The following MYBL1 variants were observed in gnomAD, a reference collection of about 807,000 sequenced individuals.
MYBL1 encodes the protein MYB proto-oncogene like 1.
Under a neutral mutation model 96.3 loss-of-function variants are expected in MYBL1, and 17 were observed. That is an observed-to-expected ratio of 0.18 (90% CI 0.12 to 0.26). The LOEUF is 0.26. MYBL1 is among the 10% of genes least tolerant of loss of function. MYBL1 has a pLI of 1.00. For synonymous variants in MYBL1, 282 were observed against 292.7 expected (o/e 0.96, Z 0.37); for missense variants, 701 against 882.9 (o/e 0.79, Z 2.61).
intron 12 of MYBL1, among the ~76,000 whole-genome samples, chr8:66,571,097 T>C (rs949260763): frequency 3.3e-5 from 5 of 152,138 alleles, no homozygotes; most frequent in Non-Finnish European, 5.9e-5. Flanking sequence ...TGACTAAAAA[T>C]AGAAGAACAT....
At chr8:66,595,128 G>C (rs1471330441) in intron 6 of MYBL1, among the ~76,000 whole-genome samples, 1 of 152,118 alleles carries the variant, frequency 6.6e-6, no homozygotes, top group African/African-American at 2.4e-5. Context: ...TTAGTTATTA[G>C]GGGGAAAAGC....
chr8:66,600,110 A>G (rs1810010212), intron 3 of MYBL1, among the ~76,000 whole-genome samples: 2 of 152,244 alleles, frequency 1.3e-5, no homozygotes, highest in Non-Finnish European at 2.9e-5. Context: ...AATCCTACGC[A>G]GTATCTGGGT....
chr8:66,580,387 T>A (rs1809158695), intron 8 of MYBL1, 21 bp from the exon 9 acceptor site: 2 of 1,489,426 alleles, frequency 1.3e-6, no homozygotes, highest in Non-Finnish European at 1.9e-6. Flanking sequence ...AAAAGAAATT[T>A]GAATATTATT....
In MYBL1 at chr8:66,562,309, T is replaced by C. The variant is rs1808365783; in HGVS notation, c.*2388A>G. 6.6e-6 allele frequency: 1 copy of C among 152,652 alleles called. No homozygotes were observed. The highest frequency in any genetic ancestry group is 1.5e-5 in the Non-Finnish European group (1 of 68,050). 9.5% of individuals were successfully genotyped at this position (152,652 alleles called of 1,614,324 possible). A position where few individuals can be genotyped will look rare whatever the true frequency, so the allele number is the denominator to read the frequency against. ...TAATTGCTGTATTAATGTGAAAACC[T>C]TACAATAAAATGCAGTATTATGTAT... On this transcript the variant is annotated 3_prime_UTR_variant, in exon 16 of 16. Coordinates refer to ENST00000522677, the MANE Select transcript of MYBL1 (RefSeq NM_001080416.4).
At chr8:66,604,183 T>A (rs554773721) in intron 1 of MYBL1, among the ~76,000 whole-genome samples, 1 of 152,172 alleles carries the variant, frequency 6.6e-6, no homozygotes, top group South Asian at 2.1e-4. Context: ...ATCAGTGGAG[T>A]AAAGGTAGAC....
intron 12 of MYBL1, among the ~76,000 whole-genome samples, chr8:66,568,083 A>C (rs1342974031): frequency 6.6e-6 from 1 of 151,810 alleles, no homozygotes; most frequent in Non-Finnish European, 1.5e-5. Flanking sequence ...AAAACAAAAA[A>C]CAAAAAAACA....
chr8:66,579,155 C>A (rs1809094580), intron 9 of MYBL1, among the ~76,000 whole-genome samples: 1 of 151,716 alleles, frequency 6.6e-6, no homozygotes, highest in South Asian at 2.1e-4. Context: ...GGGTGCAGCA[C>A]ACCAGCATGG....
intron 12 of MYBL1, among the ~76,000 whole-genome samples, chr8:66,569,734 G>T (rs1435836195): frequency 1.3e-5 from 2 of 152,104 alleles, no homozygotes; most frequent in Admixed American, 6.6e-5. Flanking sequence ...CTAGAATAGG[G>T]CTAAGACAGA....
intron 8 of MYBL1, among the ~76,000 whole-genome samples, chr8:66,585,882 G>C (rs924836340): frequency 6.6e-6 from 1 of 152,084 alleles, no homozygotes; most frequent in African/African-American, 2.4e-5. Flanking sequence ...CTTCTGCACA[G>C]CAAAGGAGGC....
chr8:66,579,265 A>ATT (rs1809103307), intron 9 of MYBL1, among the ~76,000 whole-genome samples: 4 of 130,668 alleles, frequency 3.1e-5, no homozygotes, highest in African/African-American at 1.4e-4. Flanking sequence ...TTTTTTTTAA[A>ATT]AAAATGAAAA....
rs1473519612 is a variant in MYBL1 at position 66,564,747 on chromosome 8, G to A, written c.2209C>T (p.Leu737=). 1 of 1,585,864 alleles carries A rather than the reference G, an allele frequency of 6.3e-7. No homozygotes were observed. The highest frequency in any genetic ancestry group is 8.6e-7 in the Non-Finnish European group (1 of 1,162,870). ...LIMTEQARRY[L]STYTATSSTS... ...CTACTGGTAGCTGTGTAAGTACTCA[G>A]ATATCTTCTTGCTTGTTCAGTCATA... is the stretch of plus-strand genomic sequence containing the variant. Residue 737 remains leucine, a synonymous_variant, in exon 16 of 16, where the codon CTG becomes TTG. Coordinates refer to ENST00000522677, the MANE Select transcript of MYBL1 (RefSeq NM_001080416.4).
intron 1 of MYBL1, 110 bp downstream of exon 1, chr8:66,612,709 C>G: frequency 8.0e-7 from 1 of 1,248,980 alleles, no homozygotes; most frequent in Non-Finnish European, 1.0e-6. Context: ...GGAAGAAAAA[C>G]CTCTGCCCTC....
chr8:66,582,697 G>T (rs912973569), intron 8 of MYBL1, among the ~76,000 whole-genome samples: 1 of 149,002 alleles, frequency 6.7e-6, no homozygotes, highest in Non-Finnish European at 1.5e-5. Flanking sequence ...CAGCCTGGGG[G>T]GACGGAGTGA....
At position 66,602,446 on chromosome 8, in the gene MYBL1, C is replaced by A. The variant is rs892013012; in HGVS notation, c.98G>T (p.Trp33Leu). The change falls in exon 2 of 16, where the codon TGG becomes TTG. Residue 33 changes from tryptophan (W) to leucine (L), a missense_variant. Coordinates refer to ENST00000522677, the MANE Select transcript of MYBL1 (RefSeq NM_001080416.4). ...GTCCCTTGTCCATTTTACTCTGTTCCAGAGTTTCTTCAGTCCTTTTTGTTG... is the reference window on the plus strand; with the variant it reads ...GTCCCTTGTCCATTTTACTCTGTTCAAGAGTTTCTTCAGTCCTTTTTGTTG... ...VPQQKGLKKLWNRVKWTRDED... is the reference protein window; with the variant it reads ...VPQQKGLKKLLNRVKWTRDED... 3 of 1,604,892 alleles carry A rather than the reference C, an allele frequency of 1.9e-6. No individual in the cohort carries two copies. In the African/African-American group the frequency reaches 4.0e-5, roughly 22 times the overall value.
chr8:66,608,440 C>T (rs1206747659), intron 1 of MYBL1, among the ~76,000 whole-genome samples: 3 of 152,146 alleles, frequency 2.0e-5, no homozygotes, highest in Admixed American at 6.5e-5. Context: ...GTTATCTCTA[C>T]ATATATATGA....
At chr8:66,604,601 T>C (rs757842846) in intron 1 of MYBL1, among the ~76,000 whole-genome samples, 1 of 152,030 alleles carries the variant, frequency 6.6e-6, no homozygotes, top group Non-Finnish European at 1.5e-5. Flanking sequence ...ACCATAATAG[T>C]ACTATAAGAA....
At chr8:66,612,043 T>C (rs1810550820) in intron 1 of MYBL1, 2 of 152,214 alleles carry the variant, frequency 1.3e-5, no homozygotes, top group Non-Finnish European at 2.9e-5. Flanking sequence ...ATTAGATGCA[T>C]AAATTCATCC....
In MYBL1 at chr8:66,597,395, G is replaced by A; in HGVS notation, c.447C>T (p.Ile149=). The A allele has an allele frequency of 6.2e-7, 1 of 1,612,570 alleles. No homozygotes were observed. Among genetic ancestry groups the A allele is most frequent in the Non-Finnish European group, 8.5e-7 (1 of 1,179,218 alleles). The part of the protein sequence containing the change: ...KSSWTEEEDR[I]IYEAHKRLGN... ...CCAACCGCTTATGTGCTTCATAGAT[G>A]ATCCTGTCCTCCTCTTCTGTCCAGG... Residue 149 remains isoleucine, a synonymous_variant, in exon 5 of 16, where the codon ATC becomes ATT. Coordinates refer to ENST00000522677, the MANE Select transcript of MYBL1 (RefSeq NM_001080416.4).
At chr8:66,582,809 A>G (rs1329532945) in intron 8 of MYBL1, among the ~76,000 whole-genome samples, 3 of 152,046 alleles carry the variant, frequency 2.0e-5, no homozygotes, top group Non-Finnish European at 2.9e-5. Flanking sequence ...ATAATTGTAA[A>G]TATATATGCA....
Sources: allele counts gnomAD v4.1 joint callset (sites outside exome capture counted in the v4.1 genomes callset), GRCh38; gene constraint gnomAD v4.1.1; transcripts MANE v1.5; gene names NCBI Gene and HGNC (gene_info 2026-07-23, HGNC 2026-07-21).